Variants in SPATS2L observed in about 807,000 individuals in gnomAD.
SPATS2L encodes spermatogenesis associated serine rich 2 like.
In SPATS2L, 30 loss-of-function variants were observed where a neutral mutation model predicts 59.6. The ratio of observed to expected loss-of-function variants is 0.50; its 90% CI spans 0.38 to 0.68. The LOEUF (loss-of-function observed/expected upper bound fraction) is 0.68. SPATS2L is among the 30% of genes least tolerant of loss of function. The pLI, the probability that SPATS2L is intolerant of heterozygous loss-of-function variation, is 0.00. For missense variants in SPATS2L, 615 were observed against 700.0 expected, an observed-to-expected ratio of 0.88 and a Z score of 1.37; for synonymous variants, 252 against 263.5, an observed-to-expected ratio of 0.96 and a Z score of 0.42.
chr2:200,317,601 T>G (rs2079422227), intron 1 of SPATS2L, among the ~76,000 whole-genome samples: 1 of 152,184 alleles, frequency 6.6e-6, no homozygotes, highest in African/African-American at 2.4e-5. Context: ...AGAAGGAAGT[T>G]GCCTTCACAT....
intron 6 of SPATS2L, among the ~76,000 whole-genome samples, chr2:200,430,324 A>G (rs1339597312): frequency 6.6e-6 from 1 of 152,082 alleles, no homozygotes; most frequent in African/African-American, 2.4e-5. Flanking sequence ...AAGATAATTA[A>G]ATTTTTGTAA....
intron 2 of SPATS2L, among the ~76,000 whole-genome samples, chr2:200,369,344 A>G (rs2081356696): frequency 6.6e-6 from 1 of 152,094 alleles, no homozygotes; most frequent in Non-Finnish European, 1.5e-5. Context: ...TTTTTAGTAG[A>G]AACAGGGTTT....
At chr2:200,435,729 T>C (rs1353664639) in intron 6 of SPATS2L, among the ~76,000 whole-genome samples, 1 of 152,164 alleles carries the variant, frequency 6.6e-6, no homozygotes, top group Admixed American at 6.6e-5. Flanking sequence ...TATAAATTAG[T>C]AGTGATTACA....
chr2:200,344,336 C>T (rs2080436670), intron 2 of SPATS2L, among the ~76,000 whole-genome samples: 1 of 152,106 alleles, frequency 6.6e-6, no homozygotes, highest in Admixed American at 6.6e-5. Flanking sequence ...TTTTCTGTTC[C>T]TATGTTAGTT....
chr2:200,466,899 T>G (rs1278472211), intron 9 of SPATS2L, among the ~76,000 whole-genome samples: 2 of 152,250 alleles, frequency 1.3e-5, no homozygotes, highest in Non-Finnish European at 2.9e-5. Flanking sequence ...TAGAATGATT[T>G]CTGCTTAGTA....
chr2:200,330,910 G>A (rs950910315), intron 2 of SPATS2L, among the ~76,000 whole-genome samples: 2 of 152,170 alleles, frequency 1.3e-5, no homozygotes, highest in African/African-American at 2.4e-5. Context: ...ATCCCAGAAC[G>A]GTGACATTAG....
chr2:200,428,029 C>G (rs1465707823), intron 6 of SPATS2L, among the ~76,000 whole-genome samples: 4 of 149,366 alleles, frequency 2.7e-5, no homozygotes, highest in African/African-American at 9.9e-5. Context: ...GTGATCACAC[C>G]ATTGCACTCC....
intron 8 of SPATS2L, among the ~76,000 whole-genome samples, chr2:200,451,684 C>T (rs1366688412): frequency 6.6e-6 from 1 of 152,152 alleles, no homozygotes; most frequent in East Asian, 1.9e-4. Flanking sequence ...CTAGGCCTGG[C>T]TGCCTTGGGT....
At chr2:200,384,392 C>T (rs189277035) in intron 2 of SPATS2L, among the ~76,000 whole-genome samples, 166 of 152,178 alleles carry the variant, frequency 1.1e-3, no homozygotes, top group African/African-American at 3.7e-3. Context: ...CTTGCTCTGT[C>T]GCCCAGGCTG....
intron 4 of SPATS2L, among the ~76,000 whole-genome samples, chr2:200,415,657 GTAATT>G (rs922681412): frequency 1.1e-4 from 17 of 152,048 alleles, no homozygotes; most frequent in Admixed American, 3.9e-4. Flanking sequence ...TTAATGTCTT[GTAATT>G]TAATTAGGCA....
chr2:200,411,322 C>T (rs1272062742), intron 3 of SPATS2L, among the ~76,000 whole-genome samples: 2 of 152,322 alleles, frequency 1.3e-5, no homozygotes, highest in East Asian at 3.9e-4. Context: ...CATCACATTA[C>T]ACATACCATA....
chr2:200,443,930 A>T (rs1432023558), intron 8 of SPATS2L, among the ~76,000 whole-genome samples: 1 of 152,238 alleles, frequency 6.6e-6, no homozygotes, highest in Non-Finnish European at 1.5e-5. Flanking sequence ...AGTAGCTAAA[A>T]TGTAAAATCA....
At chr2:200,385,878 G>A (rs536145263) in intron 2 of SPATS2L, among the ~76,000 whole-genome samples, 605 of 151,984 alleles carry the variant, frequency 4.0e-3, no homozygotes, top group Middle Eastern at 6.8e-3. Flanking sequence ...TATTTTTAGT[G>A]GAGACAGGGT....
In SPATS2L at chr2:200,412,326, T is replaced by A. The variant is rs749273614; in HGVS notation, c.55T>A (p.Ser19Thr). The A allele has an allele frequency of 1.3e-6, 2 of 1,587,454 alleles. No homozygotes were observed. Among genetic ancestry groups the A allele is most frequent in the South Asian group, 2.3e-5 (2 of 87,130 alleles). Residue 19 changes from serine to threonine, a missense_variant, in exon 4 of 13, where the codon TCA becomes ACA. By Grantham distance (58) the Ser-to-Thr change is moderately conservative. This residue lies in a region of SPATS2L where 227 missense variants were observed against 257.4 expected (regional missense o/e 0.88). Transcript: ENST00000409140. ...NVKEKIYAVRSVVPNKSNNEI... is the reference protein window; with the variant it reads ...NVKEKIYAVRTVVPNKSNNEI... ...TCCTTTACAGATCTATGCAGTTAGA[T>A]CAGTTGTTCCCAACAAAAGCAATAA... is the stretch of plus-strand genomic sequence containing the variant.
intron 3 of SPATS2L, among the ~76,000 whole-genome samples, chr2:200,396,562 T>C (rs980214711): frequency 1.3e-5 from 2 of 152,110 alleles, no homozygotes; most frequent in African/African-American, 4.8e-5. Flanking sequence ...AGTAGTGACA[T>C]ATAGTTCAAA....
chr2:200,425,216 C>A (rs1259756140), intron 6 of SPATS2L, among the ~76,000 whole-genome samples: 2 of 143,284 alleles, frequency 1.4e-5, no homozygotes, highest in Admixed American at 7.6e-5. Context: ...TTGTGGTAGG[C>A]GGTTCCCCAC....
At chr2:200,332,106 C>G (rs940658217) in intron 2 of SPATS2L, among the ~76,000 whole-genome samples, 1 of 151,958 alleles carries the variant, frequency 6.6e-6, no homozygotes, top group African/African-American at 2.4e-5. Flanking sequence ...AATATTAGCC[C>G]TCATTAAGAG....
At chr2:200,459,308 C>T (rs2086074734) in intron 8 of SPATS2L, among the ~76,000 whole-genome samples, 1 of 152,280 alleles carries the variant, frequency 6.6e-6, no homozygotes, top group South Asian at 2.1e-4. Flanking sequence ...AAAGTATGGT[C>T]CCAGGACCAT....
At chr2:200,445,427 C>T (rs1349629268) in intron 8 of SPATS2L, among the ~76,000 whole-genome samples, 4 of 152,188 alleles carry the variant, frequency 2.6e-5, no homozygotes, top group Non-Finnish European at 2.9e-5. Flanking sequence ...TACTGAAGCC[C>T]TGTTGATAGC....
Sources: gnomAD v4.1 joint callset for allele counts (sites outside exome capture counted in the v4.1 genomes callset) on GRCh38, gnomAD v4.1.1 for gene constraint, gnomAD v4.1.1 regional missense constraint, MANE v1.5 for transcripts, NCBI Gene and HGNC (gene_info 2026-07-23, HGNC 2026-07-21) for gene names.